The following VWA3B variants were observed in gnomAD, a reference collection of about 807,000 sequenced individuals.
VWA3B encodes the protein von Willebrand factor A domain containing 3B.
In VWA3B, 138 loss-of-function variants were observed where a neutral mutation model predicts 158.3. The ratio of observed to expected loss-of-function variants is 0.87; its 90% confidence interval spans 0.76 to 1.00. VWA3B has a LOEUF of 1.00. Ranked by LOEUF, VWA3B falls within the 50% of genes least tolerant of loss-of-function variation. VWA3B has a pLI of 0.00. For missense variants in VWA3B, 1,555 were observed against 1,565.1 expected, an observed-to-expected ratio of 0.99 and a Z score of 0.11; for synonymous variants, 596 against 587.3, an observed-to-expected ratio of 1.01 and a Z score of -0.21.
chr2:98,208,848 T>G (rs994674211), intron 12 of VWA3B, among the ~76,000 whole-genome samples: 2 of 152,254 alleles, frequency 1.3e-5, no homozygotes, highest in African/African-American at 4.8e-5. Flanking sequence ...TGTTCTTTTT[T>G]CTGAAAGTCC....
chr2:98,110,889 T>A (rs190093556), intron 2 of VWA3B, among the ~76,000 whole-genome samples: 5 of 152,318 alleles, frequency 3.3e-5, no homozygotes, highest in Admixed American at 2.0e-4. Context: ...TCTCACAAGA[T>A]CTGATGGTTT....
chr2:98,249,466 T>C (rs1686655446), intron 19 of VWA3B, among the ~76,000 whole-genome samples: 1 of 152,186 alleles, frequency 6.6e-6, no homozygotes, highest in African/African-American at 2.4e-5. Context: ...TCTGTTACCC[T>C]GTTTGTGCCT....
intron 22 of VWA3B, among the ~76,000 whole-genome samples, chr2:98,286,950 G>A (rs1689197336): frequency 1.3e-5 from 2 of 151,686 alleles, no homozygotes; most frequent in Non-Finnish European, 2.9e-5. Context: ...GAGCGAAAGG[G>A]AGAGAGAGAG....
At chr2:98,327,899 A>G in the VWA3B span, among the ~76,000 whole-genome samples, 1 of 152,182 alleles carries the variant, frequency 6.6e-6, no homozygotes, top group Non-Finnish European at 1.5e-5. Context: ...GACAGCTGTT[A>G]CCTATTGCTC....
At chr2:98,128,010 G>C in intron 5 of VWA3B, 6 of 444,606 alleles carry the variant, frequency 1.3e-5, no homozygotes, top group Non-Finnish European at 2.4e-5. Flanking sequence ...TATTCTTCTC[G>C]TGCCTTACCC....
At position 98,181,097 on chromosome 2, in the gene VWA3B, T is replaced by C. The variant is rs1382126974; in HGVS notation, c.1196T>C (p.Leu399Ser). 1 of 1,614,106 alleles carries C rather than the reference T, an allele frequency of 6.2e-7. No homozygotes were observed. The highest frequency in any genetic ancestry group is 1.3e-5 in the African/African-American group (1 of 74,942). The change falls in exon 9 of 28, where the codon TTG becomes TCG. Residue 399 changes from leucine (L) to serine (S), a missense_variant. Physicochemically the swap from Leu to Ser is moderately radical, Grantham distance 145 (BLOSUM62 -2). Transcript: ENST00000477737. ...DSKTWLQKYG[L>S]KAQKLSLYDV... ...AAGACATGGCTGCAGAAATATGGCT[T>C]GAAGGCCCAGAAGCTATCCTTGTAT...
intron 12 of VWA3B, 120 bp downstream of exon 12, chr2:98,194,612 A>G (rs7579916): frequency 0.87 from 1,103,494 of 1,273,930 alleles, 478,955 homozygotes; most frequent in East Asian, 0.97. Context: ...AAGTGGCTTA[A>G]CATGTAGACT....
At chr2:98,221,449 CAG>C (rs1192140117) in intron 14 of VWA3B, among the ~76,000 whole-genome samples, 2 of 152,310 alleles carry the variant, frequency 1.3e-5, no homozygotes, top group East Asian at 3.9e-4. Context: ...TGGTGCCAAA[CAG>C]GGAGTTAATC....
At chr2:98,294,324 G>A (rs964340511) in intron 23 of VWA3B, among the ~76,000 whole-genome samples, 1 of 149,546 alleles carries the variant, frequency 6.7e-6, no homozygotes, top group African/African-American at 2.5e-5. Context: ...AACATTTTTA[G>A]TAAAAAAAAC....
intron 13 of VWA3B, chr2:98,216,950 T>A (rs1301977004): frequency 1.2e-5 from 16 of 1,294,464 alleles, no homozygotes; most frequent in Non-Finnish European, 1.6e-5. Context: ...ACAGCATGAG[T>A]GGGAGAGACT....
At chr2:98,245,498 G>A in intron 19 of VWA3B, 1 of 454,924 alleles carries the variant, frequency 2.2e-6, no homozygotes, top group South Asian at 1.6e-5. Context: ...ATCTGCATGT[G>A]GAGAGGACGG....
At chr2:98,260,462 A>G (rs766067850) in intron 21 of VWA3B, among the ~76,000 whole-genome samples, 2 of 151,914 alleles carry the variant, frequency 1.3e-5, no homozygotes, top group African/African-American at 2.4e-5. Flanking sequence ...TAAGTATAGC[A>G]TAACAACTAT....
Position 98,228,340 on chromosome 2 carries a change from C to T in VWA3B, c.2150+8C>T, listed in dbSNP as rs2105684302. 6.2e-7 allele frequency: 1 copy of T among 1,607,786 alleles called. No individual in the cohort carries two copies. Among genetic ancestry groups the T allele is most frequent in the South Asian group, 1.1e-5 (1 of 90,126 alleles). On this transcript the variant is annotated splice_region_variant and intron_variant, in intron 15 of 27. Coordinates refer to ENST00000477737, the MANE Select transcript of VWA3B (RefSeq NM_144992.5). ...AAAGGATGGAGACAGCAAGTGAGCA[C>T]CTCTGCCCGCCTGTCTCCCTGCGCT...
At chr2:98,310,390 AG>A (rs1450838253) in intron 26 of VWA3B, among the ~76,000 whole-genome samples, 1 of 152,152 alleles carries the variant, frequency 6.6e-6, no homozygotes, top group East Asian at 1.9e-4. Flanking sequence ...TCCTCCAGGC[AG>A]GGGGGTAGGC....
intron 14 of VWA3B, among the ~76,000 whole-genome samples, chr2:98,223,309 A>AC (rs1376196638): frequency 9.9e-5 from 2 of 20,268 alleles, no homozygotes; most frequent in African/African-American, 4.5e-4. Flanking sequence ...AAAATAGACC[A>AC]AAAAAAAAAA....
At chr2:98,163,261 C>T (rs1268265272) in intron 8 of VWA3B, among the ~76,000 whole-genome samples, 4 of 152,230 alleles carry the variant, frequency 2.6e-5, no homozygotes, top group African/African-American at 7.2e-5. Context: ...ATGCTTGGGC[C>T]GGGCGCGGTG....
chr2:98,308,879 A>G (rs1690703380), intron 26 of VWA3B, among the ~76,000 whole-genome samples: 2 of 152,196 alleles, frequency 1.3e-5, no homozygotes, highest in Non-Finnish European at 2.9e-5. Flanking sequence ...CTCCTCCTTA[A>G]GAAGACTCCT....
At chr2:98,151,119 A>ATT (rs112339447) in intron 7 of VWA3B, among the ~76,000 whole-genome samples, 9 of 144,038 alleles carry the variant, frequency 6.2e-5, no homozygotes, top group African/African-American at 7.6e-5. Context: ...ACTAGTGCTA[A>ATT]TTTTTTTTTT....
chr2:98,206,625 T>C, intron 12 of VWA3B: 1 of 402,886 alleles, frequency 2.5e-6, no homozygotes, highest in Non-Finnish European at 5.0e-6. Context: ...CCCATCAAAA[T>C]GAAACAGTTT....
Sources: allele counts gnomAD v4.1 joint callset (sites outside exome capture counted in the v4.1 genomes callset), GRCh38; gene constraint gnomAD v4.1.1; transcripts MANE v1.5; gene names NCBI Gene and HGNC (gene_info 2026-07-23, HGNC 2026-07-21).